The following GSG1L variants were observed in gnomAD, a reference collection of about 807,000 sequenced individuals.
GSG1L encodes germ cell-specific gene 1-like protein.
A neutral mutation model predicts 42.1 loss-of-function variants in GSG1L; 24 were observed. The observed-to-expected ratio is 0.57, with a 90% CI of 0.41 to 0.80. The LOEUF (loss-of-function observed/expected upper bound fraction) is 0.80. Ranked by LOEUF, GSG1L falls within the 30% of genes least tolerant of loss-of-function variation. The pLI, the probability that GSG1L is intolerant of heterozygous loss-of-function variation, is 0.00. For synonymous variants in GSG1L, 215 were observed against 203.5 expected (o/e 1.06, Z -0.48); for missense variants, 445 against 472.2 (o/e 0.94, Z 0.53).
intron 6 of GSG1L, among the ~76,000 whole-genome samples, chr16:27,803,242 AG>A (rs2082904057): frequency 1.3e-5 from 2 of 151,952 alleles, no homozygotes; most frequent in African/African-American, 4.8e-5. Context: ...CAACTGTGCA[AG>A]GGGGCTTTCT....
chr16:27,865,201 C>T (rs975378722), intron 3 of GSG1L, among the ~76,000 whole-genome samples: 3 of 152,174 alleles, frequency 2.0e-5, no homozygotes, highest in Admixed American at 2.0e-4. Context: ...TTACTTCCCC[C>T]AACCTCAATC....
chr16:28,007,839 C>G lies in GSG1L; in HGVS notation c.350-44636G>C, dbSNP rs546553472. Among the ~76,000 whole-genome samples the G allele has an allele frequency of 1.1e-3, 169 of 152,208 alleles. 3 individuals carry two copies. Among genetic ancestry groups the G allele is most frequent in the Non-Finnish European group, 1.5e-4 (10 of 68,012 alleles). Reference sequence around the variant, plus strand: ...CCTAAATTTGTGTTGTTTTAAGCCACTGAGTTTGTGGTAATCTGAGGACCC... The same window carrying G: ...CCTAAATTTGTGTTGTTTTAAGCCAGTGAGTTTGTGGTAATCTGAGGACCC... On this transcript the variant is annotated intron_variant, in intron 1 of 6. Coordinates refer to ENST00000447459, the MANE Select transcript of GSG1L (RefSeq NM_001109763.2).
chr16:27,972,527 A>AT (rs1457436811), intron 1 of GSG1L, among the ~76,000 whole-genome samples: 3 of 152,202 alleles, frequency 2.0e-5, no homozygotes, highest in Admixed American at 1.3e-4. Context: ...TAGTTAAGGG[A>AT]TTTATTTTGG....
Position 27,908,803 on chromosome 16 carries a change from G to A in GSG1L, c.398-24165C>T, listed in dbSNP as rs530834089. Among the ~76,000 whole-genome samples, 26 of 152,240 alleles carry A rather than the reference G, an allele frequency of 1.7e-4. No homozygotes were observed. In the South Asian group the frequency reaches 5.4e-3, roughly 32 times the overall value. On this transcript the variant is annotated intron_variant, in intron 2 of 6. Transcript: ENST00000447459. ...TTCCAACACATGAATTTTTGGAGAG[G>A]ACAAAAACATTCAAACCACAGTGTT...
chr16:27,871,564 G>A (rs1327332953), intron 3 of GSG1L, among the ~76,000 whole-genome samples: 2 of 152,158 alleles, frequency 1.3e-5, no homozygotes, highest in African/African-American at 4.8e-5. Flanking sequence ...CCTGAGCTCA[G>A]GGGGGCCAAG....
At chr16:27,904,360 AT>A (rs1380540883) in intron 2 of GSG1L, among the ~76,000 whole-genome samples, 3 of 152,122 alleles carry the variant, frequency 2.0e-5, no homozygotes, top group Non-Finnish European at 4.4e-5. Flanking sequence ...GTCAGCCACC[AT>A]GCCCAGTCTT....
intron 2 of GSG1L, among the ~76,000 whole-genome samples, chr16:27,955,829 A>G (rs2084994801): frequency 6.6e-6 from 1 of 151,754 alleles, no homozygotes; most frequent in Admixed American, 6.6e-5. Context: ...TAACAGCCCT[A>G]GATAATCATT....
chr16:27,944,392 C>T lies in GSG1L; in HGVS notation c.397+18764G>A, dbSNP rs571480105. ...ATCCCAGCACTTTGGGAGGCCGAGGCGGGAAGATCACCTGAGGTCAGGAGT... is the reference window on the plus strand; with the variant it reads ...ATCCCAGCACTTTGGGAGGCCGAGGTGGGAAGATCACCTGAGGTCAGGAGT... On this transcript the variant is annotated intron_variant, in intron 2 of 6. Coordinates refer to ENST00000447459, the MANE Select transcript of GSG1L (RefSeq NM_001109763.2). Among the ~76,000 whole-genome samples, 5 of 151,956 alleles carry T rather than the reference C, an allele frequency of 3.3e-5. No homozygotes were observed. The South Asian group carries it at 1.0e-3, about 32-fold the overall frequency.
At chr16:27,910,486 G>T (rs1376574297) in intron 2 of GSG1L, among the ~76,000 whole-genome samples, 3 of 152,184 alleles carry the variant, frequency 2.0e-5, no homozygotes, top group Non-Finnish European at 4.4e-5. Context: ...AGGCATGAAA[G>T]GTCCATTGAC....
intron 1 of GSG1L, among the ~76,000 whole-genome samples, chr16:28,011,506 C>T (rs1474349458): frequency 2.0e-5 from 3 of 152,226 alleles, no homozygotes; most frequent in Admixed American, 1.3e-4. Flanking sequence ...AGACATGGTC[C>T]AGATCGAGTC....
intron 4 of GSG1L, among the ~76,000 whole-genome samples, chr16:27,841,583 C>T (rs2083381972): frequency 6.6e-6 from 1 of 152,136 alleles, no homozygotes; most frequent in Non-Finnish European, 1.5e-5. Flanking sequence ...GACAAATGGC[C>T]TCACACATAT....
rs2085691909 is a variant in GSG1L, at chr16:28,009,792, C to T, written c.350-46589G>A. Among the ~76,000 whole-genome samples the T allele has an allele frequency of 2.6e-5, 4 of 152,340 alleles. No homozygotes were observed. The South Asian group carries it at 8.3e-4, about 32-fold the overall frequency. On this transcript the variant is annotated intron_variant, in intron 1 of 6. Transcript: ENST00000447459. Reference sequence around the variant, plus strand: ...ACTGCCTCTCTCTGAGTCTCAGTTTCCTCATCTGTAAAATGGGGATTATGA... The same window carrying T: ...ACTGCCTCTCTCTGAGTCTCAGTTTTCTCATCTGTAAAATGGGGATTATGA...
rs2084089013 is a variant in GSG1L at position 27,888,933 on chromosome 16, TATA to T, written c.398-4298_398-4296del. ...CCCAGCTGGCTTGTGCTTAGATAGATATAGATATAGATATAGATATAGATATAG... is the reference window on the plus strand; with the variant it reads ...CCCAGCTGGCTTGTGCTTAGATAGATGATATAGATATAGATATAGATATAG... On this transcript the variant is annotated intron_variant, in intron 2 of 6. Transcript: ENST00000447459. 7.2e-5 allele frequency among the ~76,000 whole-genome samples: 5 copies of T among 69,312 alleles called. No homozygotes were observed. The South Asian group carries it at 2.1e-3, about 29-fold the overall frequency. 45.5% of individuals were successfully genotyped at this position (69,312 alleles called of 152,430 possible).
rs1000867506 is a variant in GSG1L, at chr16:28,004,949, G to A, written c.350-41746C>T. Among the ~76,000 whole-genome samples the A allele has an allele frequency of 4.6e-5, 7 of 152,092 alleles. No homozygotes were observed. In the South Asian group the frequency reaches 6.2e-4, roughly 13 times the overall value. The stretch of plus-strand genomic sequence containing the variant: ...ACCCAGCTGCCACAACTAATGACAA[G>A]TTACACTTATTAGTCTGCTAGGACT... On this transcript the variant is annotated intron_variant, in intron 1 of 6. Coordinates refer to ENST00000447459, the MANE Select transcript of GSG1L (RefSeq NM_001109763.2).
chr16:27,838,271 G>A (rs140415197), intron 4 of GSG1L, among the ~76,000 whole-genome samples: 15 of 152,290 alleles, frequency 9.8e-5, no homozygotes, highest in Admixed American at 9.8e-4. Flanking sequence ...ACAGAGAAAA[G>A]GACAGATATG....
chr16:28,051,561 C>A (rs980413813), intron 1 of GSG1L, among the ~76,000 whole-genome samples: 26 of 149,322 alleles, frequency 1.7e-4, no homozygotes, highest in African/African-American at 6.2e-4. Flanking sequence ...GAGGTGACTG[C>A]GACTTTAAAT....
intron 1 of GSG1L, among the ~76,000 whole-genome samples, chr16:27,992,103 G>A (rs536653165): frequency 2.0e-5 from 3 of 152,284 alleles, no homozygotes; most frequent in South Asian, 2.1e-4. Context: ...GATGACCCTC[G>A]TCAAGATGCT....
chr16:28,024,921 T>A (rs2085883340), intron 1 of GSG1L, among the ~76,000 whole-genome samples: 1 of 152,216 alleles, frequency 6.6e-6, no homozygotes, highest in Non-Finnish European at 1.5e-5. Flanking sequence ...GTTCCCTGTG[T>A]GCTGCAGCAG....
intron 2 of GSG1L, among the ~76,000 whole-genome samples, chr16:27,920,364 G>T (rs1182411942): frequency 6.6e-6 from 1 of 152,206 alleles, no homozygotes; most frequent in African/African-American, 2.4e-5. Flanking sequence ...ACACCAGGCT[G>T]ACTTAATTAA....
Sources: allele counts gnomAD v4.1 joint callset (sites outside exome capture counted in the v4.1 genomes callset), GRCh38; gene constraint gnomAD v4.1.1; transcripts MANE v1.5; gene names NCBI Gene and HGNC (gene_info 2026-07-23, HGNC 2026-07-21).